Variants in RHBDD1 observed in about 807,000 individuals in gnomAD.
RHBDD1 encodes rhomboid domain containing 1.
RHBDD1 carries 38 observed loss-of-function variants against 36.3 expected under a neutral mutation model. The ratio of observed to expected loss-of-function variants is 1.05; its 90% confidence interval spans 0.81 to 1.37. RHBDD1 has a LOEUF of 1.37. Among genes scored for constraint, RHBDD1 ranks in the 40% most tolerant of loss-of-function variants. The pLI is 0.00. For synonymous variants in RHBDD1, 151 were observed against 136.5 expected (o/e 1.11, Z -0.74); for missense variants, 393 against 377.6 (o/e 1.04, Z -0.34).
Position 226,991,570 on chromosome 2 carries a change from A to G in RHBDD1, c.857-3861A>G, listed in dbSNP as rs989585642. On this transcript the variant is annotated intron_variant, in intron 8 of 8. Transcript: ENST00000392062. ...TTCTTGATGATGTTAGAGATGAACAATCATACCATCCAATGTTCAGCAGGC... is the reference window on the plus strand; with the variant it reads ...TTCTTGATGATGTTAGAGATGAACAGTCATACCATCCAATGTTCAGCAGGC... Among the ~76,000 whole-genome samples the G allele has an allele frequency of 2.6e-5, 4 of 152,232 alleles. No individual in the cohort carries two copies. The East Asian group carries it at 7.7e-4, about 29-fold the overall frequency.
the RHBDD1 span, among the ~76,000 whole-genome samples, chr2:226,820,790 C>A: frequency 1.5e-4 from 23 of 151,878 alleles, no homozygotes; most frequent in Non-Finnish European, 2.8e-4. Context: ...CAGAACAAGA[C>A]CCTGTCACTA....
chr2:226,949,792 C>T (rs1355383740), intron 8 of RHBDD1, among the ~76,000 whole-genome samples: 1 of 152,040 alleles, frequency 6.6e-6, no homozygotes, highest in East Asian at 1.9e-4. Flanking sequence ...TTGCAGATGG[C>T]CTTTCCCCCG....
chr2:226,836,127 G>A (rs1177797100), intron 1 of RHBDD1, 40 bp downstream of exon 1: 2 of 153,140 alleles, frequency 1.3e-5, no homozygotes, highest in African/African-American at 4.8e-5. Context: ...GCTGTCGTTG[G>A]TTGTGAGCGG....
chr2:226,868,476 C>G (rs559019645), intron 5 of RHBDD1, among the ~76,000 whole-genome samples: 1 of 152,310 alleles, frequency 6.6e-6, no homozygotes, highest in African/African-American at 2.4e-5. Context: ...ACCTCTTCCA[C>G]CAGCTTCACT....
Position 226,858,896 on chromosome 2 carries a change from A to G in RHBDD1, c.-90-5708A>G, listed in dbSNP as rs114058835. On this transcript the variant is annotated intron_variant, in intron 3 of 8. Transcript: ENST00000392062. ...TGTATTATTACATAATTAAAATGCT[A>G]TTTTTTGTCAAATAGTTCTGGCAAA... Among the ~76,000 whole-genome samples, 863 of 152,236 alleles carry G rather than the reference A, an allele frequency of 5.7e-3. 10 individuals are homozygous for G. The highest frequency in any genetic ancestry group is 0.02 in the African/African-American group (816 of 41,540).
At chr2:226,991,378 C>T (rs952700713) in intron 8 of RHBDD1, among the ~76,000 whole-genome samples, 1 of 152,118 alleles carries the variant, frequency 6.6e-6, no homozygotes, top group Non-Finnish European at 1.5e-5. Context: ...GTCGGGGTTT[C>T]ACCACGTTGG....
At chr2:226,937,385 A>G (rs1382269285) in intron 8 of RHBDD1, among the ~76,000 whole-genome samples, 2 of 152,132 alleles carry the variant, frequency 1.3e-5, no homozygotes, top group Admixed American at 6.6e-5. Context: ...TTTTCAGTGA[A>G]TAAAATTTTG....
At position 226,873,291 on chromosome 2, in the gene RHBDD1, C is replaced by T. The variant is rs540429922; in HGVS notation, c.566+5973C>T. On this transcript the variant is annotated intron_variant, in intron 5 of 8. Coordinates refer to ENST00000392062, the MANE Select transcript of RHBDD1 (RefSeq NM_001167608.3). ...CATGCTGAACCCAAACCAAATGTAT[C>T]CTCAACTCAACGTCCCTTTAGCTGA... is the stretch of plus-strand genomic sequence containing the variant. 2.6e-3 allele frequency among the ~76,000 whole-genome samples: 401 copies of T among 152,298 alleles called. 2 individuals carry two copies. The highest frequency in any genetic ancestry group is 2.9e-3 in the Non-Finnish European group (198 of 68,032).
At chr2:226,806,707 T>C in the RHBDD1 span, among the ~76,000 whole-genome samples, 2 of 152,202 alleles carry the variant, frequency 1.3e-5, no homozygotes, top group Non-Finnish European at 2.9e-5. Context: ...CAGATCTTTT[T>C]ACTCTTTCTT....
intron 5 of RHBDD1, among the ~76,000 whole-genome samples, chr2:226,897,872 G>C (rs907144701): frequency 2.0e-5 from 3 of 152,096 alleles, no homozygotes; most frequent in African/African-American, 7.2e-5. Flanking sequence ...TCAGTTACTC[G>C]GGAGGCTGAG....
rs143325773 is a variant in RHBDD1, at chr2:226,923,996, C to T, written c.856+9645C>T. Among the ~76,000 whole-genome samples the T allele has an allele frequency of 4.3e-3, 660 of 152,194 alleles. 4 individuals carry two copies. Among genetic ancestry groups the T allele is most frequent in the African/African-American group, 0.015 (617 of 41,508 alleles). On this transcript the variant is annotated intron_variant, in intron 8 of 8. Transcript: ENST00000392062. ...CCCCAAGAGCCTGCCTGATGCTCTA[C>T]CCTGCTGTGGCCAAGCTGGTACCTA...
chr2:226,906,395 C>T (rs1487171958), intron 5 of RHBDD1, among the ~76,000 whole-genome samples: 1 of 152,156 alleles, frequency 6.6e-6, no homozygotes, highest in Non-Finnish European at 1.5e-5. Flanking sequence ...TAGACATCAT[C>T]CCTCACAATG....
rs1033864201 is a variant in RHBDD1, at chr2:226,941,500, A to G, written c.856+27149A>G. Reference sequence around the variant, plus strand: ...CACTTGTTATATGCGTGCTGTGATGAGCGTGCAGTTCGGGTTTTGTTTTGC... The same window carrying G: ...CACTTGTTATATGCGTGCTGTGATGGGCGTGCAGTTCGGGTTTTGTTTTGC... On this transcript the variant is annotated intron_variant, in intron 8 of 8. Coordinates refer to ENST00000392062, the MANE Select transcript of RHBDD1 (RefSeq NM_001167608.3). Among the ~76,000 whole-genome samples the G allele has an allele frequency of 5.8e-4, 88 of 152,292 alleles. 1 individual carries two copies. Among genetic ancestry groups the G allele is most frequent in the Admixed American group, 5.5e-3 (84 of 15,294 alleles).
the RHBDD1 span, among the ~76,000 whole-genome samples, chr2:226,820,063 A>G: frequency 6.7e-6 from 1 of 150,052 alleles, no homozygotes; most frequent in Non-Finnish European, 1.5e-5. Context: ...ATTCACAGTA[A>G]TTTAGGTTTA....
intron 8 of RHBDD1, among the ~76,000 whole-genome samples, chr2:226,990,800 G>C (rs1230641678): frequency 6.6e-6 from 1 of 152,194 alleles, no homozygotes; most frequent in Non-Finnish European, 1.5e-5. Flanking sequence ...GTTCTTTGAA[G>C]CATGCTCACT....
chr2:226,883,607 G>A (rs114056178), intron 5 of RHBDD1, among the ~76,000 whole-genome samples: 1,542 of 152,310 alleles, frequency 0.01, 22 homozygotes, highest in South Asian at 0.042. Flanking sequence ...ATAATTGTGG[G>A]TGTGTGGATG....
chr2:226,803,032 A>G, the RHBDD1 span, among the ~76,000 whole-genome samples: 7 of 152,218 alleles, frequency 4.6e-5, no homozygotes, highest in Admixed American at 1.3e-4. Flanking sequence ...GTATCAAAAC[A>G]TATGTTTTCC....
the RHBDD1 span, among the ~76,000 whole-genome samples, chr2:226,820,194 A>C: frequency 6.6e-6 from 1 of 152,158 alleles, no homozygotes; most frequent in Non-Finnish European, 1.5e-5. Context: ...TTGATGAATA[A>C]AGTACACAGC....
intron 8 of RHBDD1, among the ~76,000 whole-genome samples, chr2:226,952,912 G>T (rs1014843102): frequency 1.3e-5 from 2 of 152,138 alleles, no homozygotes; most frequent in African/African-American, 4.8e-5. Context: ...CAGATGGTTG[G>T]GAATGTTTAG....
Sources: allele counts gnomAD v4.1 joint callset (sites outside exome capture counted in the v4.1 genomes callset), GRCh38; gene constraint gnomAD v4.1.1; transcripts MANE v1.5; gene names NCBI Gene and HGNC (gene_info 2026-07-23, HGNC 2026-07-21).